Variants in TEX14 observed in about 807,000 individuals in gnomAD.
TEX14 encodes the protein inactive serine/threonine-protein kinase TEX14.
A neutral mutation model predicts 178.6 loss-of-function variants in TEX14; 168 were observed. The ratio of observed to expected loss-of-function variants is 0.94; its 90% CI spans 0.83 to 1.07. TEX14 has a LOEUF of 1.07. Among genes scored for constraint, TEX14 ranks in the 50% least tolerant of loss-of-function variants. TEX14 has a pLI of 0.00. For synonymous variants in TEX14, 626 were observed against 634.1 expected (o/e 0.99, Z 0.19); for missense variants, 1,730 against 1,753.6 (o/e 0.99, Z 0.24).
intron 3 of TEX14, among the ~76,000 whole-genome samples, chr17:58,623,781 A>G (rs184979670): frequency 5.6e-4 from 81 of 145,166 alleles, no homozygotes; most frequent in African/African-American, 1.8e-3. Context: ...GGAGGAGGAG[A>G]AGAAGGAGAA....
intron 1 of TEX14, among the ~76,000 whole-genome samples, chr17:58,681,158 C>T (rs2047494278): frequency 6.6e-6 from 1 of 152,068 alleles, no homozygotes; most frequent in Non-Finnish European, 1.5e-5. Flanking sequence ...CACCTGGGTA[C>T]TCGGGAGGCT....
intron 26 of TEX14, chr17:58,567,935 C>A: frequency 6.6e-6 from 1 of 152,346 alleles, no homozygotes; most frequent in Non-Finnish European, 1.5e-5. Flanking sequence ...ACAGCAGGAT[C>A]CAGAGAAAAA....
chr17:58,641,488 T>TTTATTATTATTATTATTA (rs373086043), intron 2 of TEX14, among the ~76,000 whole-genome samples: 268 of 143,638 alleles, frequency 1.9e-3, no homozygotes, highest in African/African-American at 5.8e-3. Context: ...TTCTCTTTTA[T>TTTATTATTATTATTATTA]TTATTATTAT....
intron 2 of TEX14, among the ~76,000 whole-genome samples, chr17:58,643,618 C>T (rs1812230394): frequency 6.6e-6 from 1 of 151,616 alleles, no homozygotes; most frequent in Admixed American, 6.6e-5. Context: ...AACTGTAATC[C>T]CAGCACTTTG....
intron 28 of TEX14, among the ~76,000 whole-genome samples, chr17:58,563,658 T>TATAGAGAGAG (rs1351647352): frequency 5.7e-5 from 1 of 17,502 alleles, no homozygotes; most frequent in African/African-American, 3.4e-4. Flanking sequence ...TATATATATA[T>TATAGAGAGAG]AGAGAGAGAG....
At position 58,569,373 on chromosome 17, in the gene TEX14, C is replaced by T. The variant is rs2044471806; in HGVS notation, c.3818-113G>A. On this transcript the variant is annotated intron_variant, in intron 25 of 31. Transcript: ENST00000349033. The surrounding 1 kb of genome is among the most constrained non-coding windows in gnomAD (Gnocchi z 4.1). ...CTGAGGATTTCTCTCAATGATGAAA[C>T]AAACTAAGGAGGAAGGAAGCCTCTT... 10 of 769,892 alleles carry T rather than the reference C, an allele frequency of 1.3e-5. No individual in the cohort carries two copies. Among genetic ancestry groups the T allele is most frequent in the Admixed American group, 9.2e-5 (4 of 43,316 alleles). 47.7% of individuals were successfully genotyped at this position (769,892 alleles called of 1,614,324 possible). A position where few individuals can be genotyped will look rare whatever the true frequency, so the allele number is the denominator to read the frequency against.
chr17:58,629,445 CCATGTG>C (rs2046228166), intron 3 of TEX14, among the ~76,000 whole-genome samples: 1 of 144,068 alleles, frequency 6.9e-6, no homozygotes, highest in African/African-American at 2.6e-5. Context: ...CAGAGGCAGA[CCATGTG>C]TCAGGAAAAA....
chr17:58,587,223 A>G (rs1031233265), intron 17 of TEX14, among the ~76,000 whole-genome samples: 3 of 152,180 alleles, frequency 2.0e-5, no homozygotes, highest in Admixed American at 1.3e-4. Context: ...TTTGTTATAC[A>G]TCGTTTTGCT....
chr17:58,569,048 G>A lies in TEX14; in HGVS notation c.3886+144C>T, dbSNP rs2044464234. On this transcript the variant is annotated intron_variant, in intron 26 of 31. Coordinates refer to ENST00000349033, the MANE Select transcript of TEX14 (RefSeq NM_031272.5). This position sits in a 1 kb window ranked among gnomAD's most constrained non-coding sequence, Gnocchi z 4.1. Reference sequence around the variant, plus strand: ...GCAAAACTGCCCCTTCCTAAATTTTGGAAAACTGCCCCTTCCTATATTCAA... The same window carrying A: ...GCAAAACTGCCCCTTCCTAAATTTTAGAAAACTGCCCCTTCCTATATTCAA... The A allele has an allele frequency of 1.8e-6, 1 of 565,956 alleles. No homozygotes were observed. Among genetic ancestry groups the A allele is most frequent in the Non-Finnish European group, 2.9e-6 (1 of 339,832 alleles). 35.1% of individuals were successfully genotyped at this position (565,956 alleles called of 1,614,324 possible).
At chr17:58,598,836 T>A in intron 14 of TEX14, 40 bp downstream of exon 14, 1 of 1,524,464 alleles carries the variant, frequency 6.6e-7, no homozygotes, top group Non-Finnish European at 8.9e-7. Context: ...TTTCTTTTCC[T>A]GGATCTTTTG....
intron 8 of TEX14, among the ~76,000 whole-genome samples, chr17:58,613,947 G>A (rs971059406): frequency 6.6e-6 from 1 of 152,084 alleles, no homozygotes; most frequent in Non-Finnish European, 1.5e-5. Context: ...GATTACAGGC[G>A]TGAGCCATTG....
chr17:58,643,471 A>G (rs1163514558), intron 2 of TEX14, among the ~76,000 whole-genome samples: 1 of 152,012 alleles, frequency 6.6e-6, no homozygotes, highest in Non-Finnish European at 1.5e-5. Context: ...CGTTGCTCAA[A>G]ACAAAAACCT....
intron 19 of TEX14, chr17:58,581,479 T>A: frequency 9.8e-7 from 1 of 1,016,802 alleles, no homozygotes; most frequent in Non-Finnish European, 1.4e-6. Flanking sequence ...ATCACACTCC[T>A]GACACCAAAA....
At chr17:58,668,536 C>T (rs1228592310) in intron 1 of TEX14, among the ~76,000 whole-genome samples, 1 of 152,218 alleles carries the variant, frequency 6.6e-6, no homozygotes, top group East Asian at 1.9e-4. Context: ...AAGAACTTCA[C>T]ACACCTTAAC....
At chr17:58,683,024 G>C (rs2047526055) in intron 1 of TEX14, among the ~76,000 whole-genome samples, 2 of 143,710 alleles carry the variant, frequency 1.4e-5, no homozygotes, top group Non-Finnish European at 1.5e-5. Flanking sequence ...TTGCACTCCA[G>C]CCTGGGCGAC....
At chr17:58,660,693 C>G in intron 1 of TEX14, 1 of 782,144 alleles carries the variant, frequency 1.3e-6, no homozygotes, top group Non-Finnish European at 2.4e-6. Flanking sequence ...TCTTGATCTT[C>G]CTGTTGCTGA....
chr17:58,623,668 A>T (rs1488683967), intron 3 of TEX14, among the ~76,000 whole-genome samples: 1 of 152,122 alleles, frequency 6.6e-6, no homozygotes, highest in African/African-American at 2.4e-5. Flanking sequence ...ACCTGGCTAC[A>T]CATCAGAATC....
In TEX14 at chr17:58,567,091, C is replaced by T. The variant is rs540625587; in HGVS notation, c.3887-1267G>A. The stretch of plus-strand genomic sequence containing the variant: ...CTGAGGCAGGAGAATTGCTTGAACC[C>T]TGGAGGTGAAGGTTGCAGTGAGCTG... On this transcript the variant is annotated intron_variant, in intron 26 of 31. Transcript: ENST00000349033. Among the ~76,000 whole-genome samples, 177 of 152,256 alleles carry T rather than the reference C, an allele frequency of 1.2e-3. 1 individual carries two copies. The highest frequency in any genetic ancestry group is 0.01 in the Middle Eastern group (3 of 294).
intron 20 of TEX14, among the ~76,000 whole-genome samples, chr17:58,577,900 G>T (rs561865118): frequency 1.3e-5 from 2 of 152,196 alleles, no homozygotes; most frequent in African/African-American, 2.4e-5. Flanking sequence ...GGGCGTGGGC[G>T]TGGGCGTGGG....
Sources: gnomAD v4.1 joint callset for allele counts (sites outside exome capture counted in the v4.1 genomes callset) on GRCh38, gnomAD v4.1.1 for gene constraint, Gnocchi (gnomAD v3.1) non-coding constraint, MANE v1.5 for transcripts, NCBI Gene and HGNC (gene_info 2026-07-23, HGNC 2026-07-21) for gene names.